The following FMN1 variants were observed in gnomAD, a reference collection of about 807,000 sequenced individuals.
FMN1 encodes the protein formin 1, also known as formin-1.
In FMN1, 110 loss-of-function variants were observed where a neutral mutation model predicts 132.4. The ratio of observed to expected loss-of-function variants is 0.83; its 90% CI spans 0.71 to 0.97. The LOEUF (loss-of-function observed/expected upper bound fraction) is 0.97. FMN1 is among the 50% of genes least tolerant of loss of function. The pLI is 0.00. For missense variants in FMN1, 1,792 were observed against 1,705.3 expected, an observed-to-expected ratio of 1.05 and a Z score of -0.90; for synonymous variants, 722 against 651.7, an observed-to-expected ratio of 1.11 and a Z score of -1.64.
intron 9 of FMN1, among the ~76,000 whole-genome samples, chr15:32,949,614 C>T (rs1055931229): frequency 1.3e-5 from 2 of 151,854 alleles, no homozygotes; most frequent in African/African-American, 4.8e-5. Flanking sequence ...AGAAGACAAC[C>T]TAGGCAATAC....
At chr15:32,822,056 A>T (rs2058232192) in intron 17 of FMN1, among the ~76,000 whole-genome samples, 1 of 152,204 alleles carries the variant, frequency 6.6e-6, no homozygotes, top group South Asian at 2.1e-4. Context: ...CAACTTGAAG[A>T]AGTACAACTT....
At chr15:32,994,803 T>C (rs1201958604) in intron 7 of FMN1, among the ~76,000 whole-genome samples, 1 of 152,190 alleles carries the variant, frequency 6.6e-6, no homozygotes, top group East Asian at 1.9e-4. Context: ...ATATAGAATG[T>C]ACCTATTTAC....
At chr15:33,075,810 C>G (rs1417773712) in intron 5 of FMN1, among the ~76,000 whole-genome samples, 2 of 152,170 alleles carry the variant, frequency 1.3e-5, no homozygotes, top group Admixed American at 6.5e-5. Flanking sequence ...ATGAGCAAGC[C>G]TGGGTCCTCC....
At chr15:33,182,502 A>C (rs1965739004) in intron 2 of FMN1, among the ~76,000 whole-genome samples, 1 of 152,074 alleles carries the variant, frequency 6.6e-6, no homozygotes, top group Admixed American at 6.5e-5. Flanking sequence ...TGACTAATTC[A>C]CCTACTCAGT....
intron 4 of FMN1, among the ~76,000 whole-genome samples, chr15:33,120,238 A>G (rs935133731): frequency 1.3e-5 from 2 of 152,228 alleles, no homozygotes; most frequent in African/African-American, 4.8e-5. Flanking sequence ...AACATTAAAC[A>G]TAAGGCAATT....
intron 17 of FMN1, among the ~76,000 whole-genome samples, chr15:32,805,714 C>T (rs892408528): frequency 4.6e-5 from 7 of 152,164 alleles, no homozygotes; most frequent in Non-Finnish European, 7.4e-5. Context: ...CCCTCTTGCA[C>T]GTCTCATCAT....
Position 33,140,193 on chromosome 15 carries a change from AACACACACACAC to A in FMN1, c.1867+12843_1867+12854del, listed in dbSNP as rs61485667. ...CTATGCAACTTTCCACCTATGGTTA[AACACACACACAC>A]ACACACACACACACACACACACACA... On this transcript the variant is annotated intron_variant, in intron 4 of 20. Coordinates refer to ENST00000616417, the MANE Select transcript of FMN1 (RefSeq NM_001277313.2). Among the ~76,000 whole-genome samples, 749 of 142,904 alleles carry A rather than the reference AACACACACACAC, an allele frequency of 5.2e-3. 8 individuals carry two copies. The highest frequency in any genetic ancestry group is 0.017 in the African/African-American group (660 of 38,078). 93.8% of individuals were successfully genotyped at this position (142,904 alleles called of 152,430 possible).
Position 33,185,114 on chromosome 15 carries a change from A to G in FMN1, c.-196-4852T>C, listed in dbSNP as rs74008223. Among the ~76,000 whole-genome samples, 585 of 152,340 alleles carry G rather than the reference A, an allele frequency of 3.8e-3. 1 individual carries two copies. Among genetic ancestry groups the G allele is most frequent in the African/African-American group, 0.014 (573 of 41,578 alleles). ...GTTTAAAGCATGATTATTGAAGGTT[A>G]GCATCTGCTTGCTGTGGTAAGTGAC... On this transcript the variant is annotated intron_variant, in intron 2 of 20. Coordinates refer to ENST00000616417, the MANE Select transcript of FMN1 (RefSeq NM_001277313.2).
intron 18 of FMN1, among the ~76,000 whole-genome samples, chr15:32,800,178 T>C (rs919001224): frequency 1.3e-5 from 2 of 152,174 alleles, no homozygotes; most frequent in Admixed American, 6.6e-5. Flanking sequence ...TTAGGCGAGA[T>C]CCAAGCTGGA....
Position 33,153,187 on chromosome 15 carries a change from A to T in FMN1, c.1728T>A (p.Ser576=), listed in dbSNP as rs113447545. ...CTCCTTTGGTCTCCGTGACCTTTGCAGAGGATGGTGGCTCCAAGGTGTCAG... is the reference window on the plus strand; with the variant it reads ...CTCCTTTGGTCTCCGTGACCTTTGCTGAGGATGGTGGCTCCAAGGTGTCAG... The part of the protein sequence containing the change: ...VSADTLEPPS[S]AKVTETKGAS... Residue 576 remains serine, a synonymous_variant, in exon 4 of 21, where the codon TCT becomes TCA. Coordinates refer to ENST00000616417, the MANE Select transcript of FMN1 (RefSeq NM_001277313.2). 55 of 1,535,968 alleles carry T rather than the reference A, an allele frequency of 3.6e-5. No individual in the cohort carries two copies. In the African/African-American group the frequency reaches 7.3e-4, roughly 20 times the overall value.
At chr15:33,125,570 T>C (rs1434998644) in intron 4 of FMN1, among the ~76,000 whole-genome samples, 1 of 152,232 alleles carries the variant, frequency 6.6e-6, no homozygotes, top group Admixed American at 6.5e-5. Flanking sequence ...TGGGGCATGG[T>C]GTCTCACACC....
At position 32,857,107 on chromosome 15, in the gene FMN1, G is replaced by A. The variant is rs763570572; in HGVS notation, c.3836C>T (p.Ala1279Val). ...CACCACCACCATCTGTTTCTCACTT[G>A]CTGTGAAGAGAAATTTAGAATTAGA... ...DLRKLKRQLE[A>V]SEKQMVVVCK... The change falls in exon 17 of 21, where the codon GCA becomes GTA. Residue 1279 changes from alanine to valine, a missense_variant and splice_region_variant. By Grantham distance (64) the Ala-to-Val change is moderately conservative. Transcript: ENST00000616417. 6.2e-7 allele frequency: 1 copy of A among 1,610,846 alleles called. No homozygotes were observed. Among genetic ancestry groups the A allele is most frequent in the Non-Finnish European group, 8.5e-7 (1 of 1,177,076 alleles).
intron 4 of FMN1, among the ~76,000 whole-genome samples, chr15:33,120,001 G>C (rs1357074024): frequency 6.6e-6 from 1 of 152,060 alleles, no homozygotes; most frequent in Admixed American, 6.6e-5. Context: ...GGAATGCGAT[G>C]GTAAGGATTA....
rs914814744 is a variant in FMN1, at chr15:33,041,486, G to C, written c.2161+23471C>G. Among the ~76,000 whole-genome samples, 3 of 77,040 alleles carry C rather than the reference G, an allele frequency of 3.9e-5. No homozygotes were observed. The South Asian group carries it at 1.0e-3, about 27-fold the overall frequency. 50.5% of individuals were successfully genotyped at this position (77,040 alleles called of 152,430 possible). On this transcript the variant is annotated intron_variant, in intron 6 of 20. Coordinates refer to ENST00000616417, the MANE Select transcript of FMN1 (RefSeq NM_001277313.2). The stretch of plus-strand genomic sequence containing the variant: ...CTCACCAGTAAACAAAAAAAAAAAA[G>C]ACTGGAAAAAAATAGTTAACAATTT...
intron 15 of FMN1, among the ~76,000 whole-genome samples, chr15:32,895,793 T>C (rs2060139904): frequency 6.6e-6 from 1 of 152,172 alleles, no homozygotes; most frequent in African/African-American, 2.4e-5. Context: ...TGTAAACATT[T>C]TACCAGTACA....
chr15:33,012,313 G>C (rs2034774860), intron 6 of FMN1: 1 of 779,782 alleles, frequency 1.3e-6, no homozygotes, highest in African/African-American at 1.7e-5. Context: ...ATGCCACCGT[G>C]GAGGAGGCAG....
intron 10 of FMN1, among the ~76,000 whole-genome samples, chr15:32,924,766 T>C (rs1479486980): frequency 6.6e-6 from 1 of 152,108 alleles, no homozygotes; most frequent in Non-Finnish European, 1.5e-5. Context: ...CTTAAAAAAT[T>C]AGCTGTATGT....
intron 17 of FMN1, among the ~76,000 whole-genome samples, chr15:32,809,385 G>A (rs758869299): frequency 1.3e-5 from 2 of 152,120 alleles, no homozygotes; most frequent in African/African-American, 2.4e-5. Context: ...AAGGCAAAGT[G>A]AACTATGCCC....
chr15:32,817,326 G>C (rs2058086590), intron 17 of FMN1, among the ~76,000 whole-genome samples: 1 of 152,178 alleles, frequency 6.6e-6, no homozygotes. Flanking sequence ...GAATTTACAT[G>C]GCCACAGAAC....
Sources: gnomAD v4.1 joint callset for allele counts (sites outside exome capture counted in the v4.1 genomes callset) on GRCh38, gnomAD v4.1.1 for gene constraint, MANE v1.5 for transcripts, NCBI Gene and HGNC (gene_info 2026-07-23, HGNC 2026-07-21) for gene names.